Variants in NBL1 observed in about 807,000 individuals in gnomAD.
The protein encoded by NBL1 is neuroblastoma suppressor of tumorigenicity 1.
A neutral mutation model predicts 16.0 loss-of-function variants in NBL1; 9 were observed. That is an observed-to-expected ratio of 0.56 (90% CI 0.34 to 0.98). The LOEUF is 0.98. NBL1 is among the 50% of genes least tolerant of loss of function. NBL1 has a pLI of 0.02. For missense variants in NBL1, 196 were observed against 243.1 expected, an observed-to-expected ratio of 0.81 and a Z score of 1.29; for synonymous variants, 86 against 100.7, an observed-to-expected ratio of 0.85 and a Z score of 0.87.
chr1:19,643,458 G>C (rs949510570), upstream of NBL1: 2 of 1,603,232 alleles, frequency 1.2e-6, no homozygotes, highest in Non-Finnish European at 8.5e-7. This position sits in a 1 kb window ranked among gnomAD's most constrained non-coding sequence, Gnocchi z 4.7. Flanking sequence ...GGTGTCCCTG[G>C]GCCACCACTT....
chr1:19,657,302 G>A lies in NBL1; in HGVS notation c.*173G>A. The stretch of plus-strand genomic sequence containing the variant: ...GGAGATCTGAAGGGGCGGGGTTAGA[G>A]CCAAGCTGCACAATTTAATATATTC... On this transcript the variant is annotated 3_prime_UTR_variant, in exon 4 of 4. Coordinates refer to ENST00000375136, the MANE Select transcript of NBL1 (RefSeq NM_005380.8). 4.1e-6 allele frequency: 2 copies of A among 486,480 alleles called. No individual in the cohort carries two copies. Among genetic ancestry groups the A allele is most frequent in the South Asian group, 6.9e-5 (2 of 29,126 alleles). The allele number at this position is 486,480 out of a possible 1,614,324, so 30.1% of individuals were successfully genotyped here.
At chr1:19,647,814 C>G in intron 1 of NBL1, 1 of 335,688 alleles carries the variant, frequency 3.0e-6, no homozygotes, top group Non-Finnish European at 4.2e-6. Context: ...CGGCTCTGCA[C>G]CGAGTGGTTG....
At chr1:19,650,170 G>A (rs1234376700) in intron 1 of NBL1, among the ~76,000 whole-genome samples, 2 of 152,138 alleles carry the variant, frequency 1.3e-5, no homozygotes, top group Non-Finnish European at 2.9e-5. Context: ...AGGAGCAATG[G>A]GCTATGCCAT....
At chr1:19,649,120 C>T (rs1238608963) in intron 1 of NBL1, among the ~76,000 whole-genome samples, 1 of 152,092 alleles carries the variant, frequency 6.6e-6, no homozygotes, top group Non-Finnish European at 1.5e-5. Context: ...TTTTGACCTG[C>T]AAGGGTAGCT....
upstream of NBL1, chr1:19,643,750 C>T (rs943285672): frequency 9.5e-6 from 10 of 1,057,116 alleles, no homozygotes; most frequent in Non-Finnish European, 1.1e-5. This position sits in a 1 kb window ranked among gnomAD's most constrained non-coding sequence, Gnocchi z 4.7. Context: ...GCAACCCAGG[C>T]TACCAACAGC....
intron 1 of NBL1, among the ~76,000 whole-genome samples, chr1:19,650,801 A>G (rs186578866): frequency 2.0e-4 from 30 of 152,252 alleles, no homozygotes; most frequent in African/African-American, 6.5e-4. Context: ...ACAAAAAAGC[A>G]TAAACCAACA....
upstream of NBL1, chr1:19,643,323 C>G: frequency 6.2e-7 from 1 of 1,613,964 alleles, no homozygotes. This position sits in a 1 kb window ranked among gnomAD's most constrained non-coding sequence, Gnocchi z 4.7. Flanking sequence ...TGCCCGGCAA[C>G]CTCATGAGTC....
At chr1:19,644,107 G>C (rs1056524370), upstream of NBL1, 2 of 974,552 alleles carry the variant, frequency 2.1e-6, no homozygotes, top group African/African-American at 3.5e-5. This position sits in a 1 kb window ranked among gnomAD's most constrained non-coding sequence, Gnocchi z 4.6. Flanking sequence ...CCGAAGCTCA[G>C]CCCGGGGCGG....
At chr1:19,653,837 G>A (rs972922895) in intron 1 of NBL1, among the ~76,000 whole-genome samples, 2 of 152,234 alleles carry the variant, frequency 1.3e-5, no homozygotes, top group African/African-American at 4.8e-5. Flanking sequence ...CCTGAAAGCG[G>A]AATCCTTTGA....
In NBL1 at chr1:19,655,073, C is replaced by T; in HGVS notation, c.43C>T (p.Leu15=). ...GGTGGGGGCTGTCCTCCCTGCCATG[C>T]TACTGGCTGCCCCACCACCCATCAA... ...VLVGAVLPAM[L]LAAPPPINKL... is the part of the protein sequence containing the mutation. Residue 15 remains leucine, a synonymous_variant, in exon 2 of 4, where the codon CTA becomes TTA. Transcript: ENST00000375136. The T allele has an allele frequency of 1.2e-6, 2 of 1,612,958 alleles. No homozygotes were observed. Among genetic ancestry groups the T allele is most frequent in the Non-Finnish European group, 1.7e-6 (2 of 1,179,908 alleles).
At chr1:19,648,002 T>G (rs2100403334) in intron 1 of NBL1, among the ~76,000 whole-genome samples, 1 of 152,188 alleles carries the variant, frequency 6.6e-6, no homozygotes, top group South Asian at 2.1e-4. Context: ...TGGTTTGGGG[T>G]ATGCCTGCTT....
chr1:19,645,755 C>T lies in NBL1; in HGVS notation c.-20+1309C>T, dbSNP rs1335481837. 9.4e-6 allele frequency: 13 copies of T among 1,377,452 alleles called. No homozygotes were observed. In the Admixed American group the frequency reaches 2.9e-4, roughly 30 times the overall value. The allele number at this position is 1,377,452 out of a possible 1,614,324, so 85.3% of individuals were successfully genotyped here. Reference sequence around the variant, plus strand: ...ACCCACCCCTGCAAGCTGGACCTCTCTCCCGGGCCTGTGTTTTGGAGGGGT... The same window carrying T: ...ACCCACCCCTGCAAGCTGGACCTCTTTCCCGGGCCTGTGTTTTGGAGGGGT... On this transcript the variant is annotated intron_variant, in intron 1 of 3. Transcript: ENST00000375136.
Position 19,644,501 on chromosome 1 carries a change from CGG to C in NBL1, c.-20+59_-20+60del. 1.1e-6 allele frequency: 1 copy of C among 933,938 alleles called. No homozygotes were observed. The highest frequency in any genetic ancestry group is 1.3e-6 in the Non-Finnish European group (1 of 785,786). 57.9% of individuals were successfully genotyped at this position (933,938 alleles called of 1,614,324 possible). On this transcript the variant is annotated intron_variant, in intron 1 of 3. Coordinates refer to ENST00000375136, the MANE Select transcript of NBL1 (RefSeq NM_005380.8). This position sits in a 1 kb window ranked among gnomAD's most constrained non-coding sequence, Gnocchi z 4.6. Reference sequence around the variant, plus strand: ...GCCCGGCTTCCAGAGGCTTCGGCCGCGGGGGCAGTGCCGCGCCCCCAGCCCGG... The same window carrying C: ...GCCCGGCTTCCAGAGGCTTCGGCCGCGGGCAGTGCCGCGCCCCCAGCCCGG...
Position 19,657,052 on chromosome 1 carries a change from C to A in NBL1, c.469C>A (p.His157Asn). The A allele has an allele frequency of 6.5e-7, 1 of 1,547,702 alleles. No individual in the cohort carries two copies. Among genetic ancestry groups the A allele is most frequent in the South Asian group, 1.2e-5 (1 of 84,046 alleles). ...CCACCCTCACCCCCATCCCCACCCC[C>A]ATCCTGGCGGGCAGACCCCTGAGCC... ...GTHPHPHPHP[H>N]PGGQTPEPED... The change falls in exon 4 of 4, where the codon CAT becomes AAT. Residue 157 changes from histidine (H) to asparagine (N), a missense_variant. Coordinates refer to ENST00000375136, the MANE Select transcript of NBL1 (RefSeq NM_005380.8).
chr1:19,656,476 A>G (rs1263594526), intron 3 of NBL1, among the ~76,000 whole-genome samples: 1 of 151,264 alleles, frequency 6.6e-6, no homozygotes, highest in Admixed American at 6.6e-5. Context: ...GCCCAAGCAC[A>G]GGATTGGTAA....
At position 19,655,512 on chromosome 1, in the gene NBL1, G is replaced by C; in HGVS notation, c.282+77G>C. 2.0e-6 allele frequency: 3 copies of C among 1,516,308 alleles called. No homozygotes were observed. In the South Asian group the frequency reaches 3.6e-5, roughly 18 times the overall value. The allele number at this position is 1,516,308 out of a possible 1,614,324, so 93.9% of individuals were successfully genotyped here. On this transcript the variant is annotated intron_variant, in intron 3 of 3. Coordinates refer to ENST00000375136, the MANE Select transcript of NBL1 (RefSeq NM_005380.8). The stretch of plus-strand genomic sequence containing the variant: ...CCTTGGCCTTTCTCCCCAGGCTCCT[G>C]TATTCCAGCAGATGGCCACAGGGCC...
upstream of NBL1, chr1:19,643,786 G>T (rs2094961058): frequency 2.0e-6 from 2 of 1,011,968 alleles, no homozygotes; most frequent in Non-Finnish European, 2.4e-6. This position sits in a 1 kb window ranked among gnomAD's most constrained non-coding sequence, Gnocchi z 4.7. Flanking sequence ...GTCGCATGCC[G>T]GAGCGGACGG....
At position 19,647,882 on chromosome 1, in the gene NBL1, T is replaced by TGC. The variant is rs1553313284; in HGVS notation, c.-20+3438_-20+3439dup. On this transcript the variant is annotated intron_variant, in intron 1 of 3. Coordinates refer to ENST00000375136, the MANE Select transcript of NBL1 (RefSeq NM_005380.8). ...GTGTGTGTGCGTGTGTGTGTGTGTG[T>TGC]GCGTGTGCGCGCGTGTGTGTGCGTG... is the stretch of plus-strand genomic sequence containing the variant. Among the ~76,000 whole-genome samples, 40 of 137,188 alleles carry TGC rather than the reference T, an allele frequency of 2.9e-4. 1 individual carries two copies. The highest frequency in any genetic ancestry group is 8.5e-4 in the Admixed American group (12 of 14,090). 90.0% of individuals were successfully genotyped at this position (137,188 alleles called of 152,430 possible). A position where few individuals can be genotyped will look rare whatever the true frequency, so the allele number is the denominator to read the frequency against.
At chr1:19,652,538 T>C (rs2095032369) in intron 1 of NBL1, among the ~76,000 whole-genome samples, 1 of 152,050 alleles carries the variant, frequency 6.6e-6, no homozygotes, top group South Asian at 2.1e-4. Flanking sequence ...TATCCCGGCA[T>C]TGGGGTCCCC....
Sources: allele counts gnomAD v4.1 joint callset (sites outside exome capture counted in the v4.1 genomes callset), GRCh38; gene constraint gnomAD v4.1.1; non-coding constraint Gnocchi (gnomAD v3.1); transcripts MANE v1.5; gene names NCBI Gene and HGNC (gene_info 2026-07-23, HGNC 2026-07-21).